The following CSMD1 variants were observed in gnomAD, a reference collection of about 807,000 sequenced individuals.
The protein encoded by CSMD1 is CUB and Sushi multiple domains 1.
A neutral mutation model predicts 417.5 loss-of-function variants in CSMD1; 213 were observed. The observed-to-expected ratio is 0.51, with a 90% CI of 0.46 to 0.57. The LOEUF (loss-of-function observed/expected upper bound fraction) is 0.57, where lower values mean the gene tolerates loss of function less well. CSMD1 is among the 20% of genes least tolerant of loss of function. CSMD1 has a pLI of 0.00. For missense variants in CSMD1, 6,923 were observed against 4,529.7 expected, an observed-to-expected ratio of 1.53 and a Z score of -15.17; for synonymous variants, 2,862 against 1,736.8, an observed-to-expected ratio of 1.65 and a Z score of -16.11.
chr8:4,678,270 G>A (rs946344810), intron 1 of CSMD1, among the ~76,000 whole-genome samples: 2 of 151,994 alleles, frequency 1.3e-5, no homozygotes, highest in African/African-American at 4.8e-5. Flanking sequence ...AATTAGCCAG[G>A]TGTGGTGGCA....
intron 2 of CSMD1, among the ~76,000 whole-genome samples, chr8:4,500,763 T>C (rs1419652223): frequency 1.3e-5 from 2 of 152,166 alleles, no homozygotes; most frequent in Admixed American, 6.6e-5. Context: ...GTGTGTTATG[T>C]TTGGCAATTT....
intron 1 of CSMD1, among the ~76,000 whole-genome samples, chr8:4,796,262 A>G (rs1797974498): frequency 6.6e-6 from 1 of 151,896 alleles, no homozygotes; most frequent in South Asian, 2.1e-4. Context: ...GTGAGGCTGG[A>G]ACAAGGAGCT....
At chr8:4,290,030 G>T (rs114235544) in intron 3 of CSMD1, among the ~76,000 whole-genome samples, 1 of 152,184 alleles carries the variant, frequency 6.6e-6, no homozygotes, top group African/African-American at 2.4e-5. Context: ...CACTGCAACT[G>T]TTAAGGTTTA....
At chr8:3,128,531 T>C (rs1176068783) in intron 41 of CSMD1, 4 of 264,144 alleles carry the variant, frequency 1.5e-5, no homozygotes, top group South Asian at 1.2e-4. Flanking sequence ...TTATTAATTA[T>C]AAGCTTAGCT....
chr8:3,950,521 C>A (rs950089678), intron 5 of CSMD1, among the ~76,000 whole-genome samples: 1 of 152,218 alleles, frequency 6.6e-6, no homozygotes, highest in Non-Finnish European at 1.5e-5. Context: ...CCACTTGCTG[C>A]CAGTTTTCTC....
chr8:3,705,725 T>A (rs1801130220), intron 7 of CSMD1, among the ~76,000 whole-genome samples: 1 of 152,190 alleles, frequency 6.6e-6, no homozygotes, highest in Non-Finnish European at 1.5e-5. Flanking sequence ...TTATATCACT[T>A]CTGCAAGAGA....
chr8:3,130,872 T>A (rs900073806), intron 41 of CSMD1, among the ~76,000 whole-genome samples: 1 of 152,206 alleles, frequency 6.6e-6, no homozygotes, highest in Non-Finnish European at 1.5e-5. Context: ...CCTAAACATA[T>A]GTTTTTGCCT....
At chr8:3,974,029 T>C (rs1263978897) in intron 5 of CSMD1, among the ~76,000 whole-genome samples, 2 of 152,190 alleles carry the variant, frequency 1.3e-5, no homozygotes, top group African/African-American at 2.4e-5. Context: ...CTTTAAAATG[T>C]AGAGTGAAGT....
At chr8:4,496,394 G>C (rs1801980244) in intron 2 of CSMD1, among the ~76,000 whole-genome samples, 1 of 152,124 alleles carries the variant, frequency 6.6e-6, no homozygotes, top group East Asian at 1.9e-4. Context: ...GCTGGAGAGA[G>C]CTGATGAGAT....
intron 1 of CSMD1, among the ~76,000 whole-genome samples, chr8:4,966,765 T>G (rs1434348496): frequency 6.6e-6 from 1 of 152,216 alleles, no homozygotes; most frequent in East Asian, 1.9e-4. Context: ...GTGTCTTAAT[T>G]TAAAATAACT....
At chr8:4,126,872 A>G (rs1802793958) in intron 3 of CSMD1, among the ~76,000 whole-genome samples, 1 of 152,162 alleles carries the variant, frequency 6.6e-6, no homozygotes, top group South Asian at 2.1e-4. Context: ...TCCCAGGACC[A>G]CAGCATCTGT....
At chr8:3,281,491 T>C (rs922835778) in intron 26 of CSMD1, among the ~76,000 whole-genome samples, 2 of 152,158 alleles carry the variant, frequency 1.3e-5, no homozygotes, top group East Asian at 1.9e-4. Flanking sequence ...GTCAATAGAA[T>C]ATTATTCGCT....
chr8:3,577,379 C>T (rs1165832046), intron 9 of CSMD1, among the ~76,000 whole-genome samples: 1 of 152,126 alleles, frequency 6.6e-6, no homozygotes, highest in Non-Finnish European at 1.5e-5. Context: ...CATTCTTTAC[C>T]AAAAGCTTTC....
chr8:3,468,374 C>T (rs1816901717), intron 12 of CSMD1, among the ~76,000 whole-genome samples: 1 of 152,052 alleles, frequency 6.6e-6, no homozygotes, highest in Admixed American at 6.6e-5. Flanking sequence ...TCTATGTTTG[C>T]TCACATAAAA....
chr8:4,954,968 T>C (rs1029937839), intron 1 of CSMD1, among the ~76,000 whole-genome samples: 2 of 152,220 alleles, frequency 1.3e-5, no homozygotes, highest in Non-Finnish European at 2.9e-5. Flanking sequence ...TCTTTTAGAA[T>C]GTTCCTGTCT....
chr8:3,002,498 G>C (rs1651397490), intron 52 of CSMD1, among the ~76,000 whole-genome samples: 1 of 152,122 alleles, frequency 6.6e-6, no homozygotes, highest in African/African-American at 2.4e-5. Context: ...AATTCCTTTT[G>C]GAATTACTTC....
chr8:3,426,764 T>C (rs1292694820), intron 12 of CSMD1, among the ~76,000 whole-genome samples: 1 of 152,172 alleles, frequency 6.6e-6, no homozygotes, highest in Non-Finnish European at 1.5e-5. Context: ...AACTAATTGG[T>C]GCTAAGTTAT....
chr8:4,963,214 T>C (rs149080037), intron 1 of CSMD1, among the ~76,000 whole-genome samples: 46 of 152,298 alleles, frequency 3.0e-4, no homozygotes, highest in African/African-American at 1.0e-3. Context: ...TTATTTATTT[T>C]ATTTGAGATG....
chr8:3,153,973 T>A (rs955191455), intron 39 of CSMD1, among the ~76,000 whole-genome samples: 1 of 152,166 alleles, frequency 6.6e-6, no homozygotes, highest in African/African-American at 2.4e-5. Context: ...TCTTCCTTTG[T>A]AACTTTTTTT....
Sources: allele counts gnomAD v4.1 joint callset (sites outside exome capture counted in the v4.1 genomes callset), GRCh38; gene constraint gnomAD v4.1.1; transcripts MANE v1.5; gene names NCBI Gene and HGNC (gene_info 2026-07-23, HGNC 2026-07-21).